The following SMAP1 variants were observed in gnomAD, a reference collection of about 807,000 sequenced individuals.
SMAP1 encodes small ArfGAP 1.
In SMAP1, 24 loss-of-function variants were observed where a neutral mutation model predicts 58.5. That is an observed-to-expected ratio of 0.41 (90% CI 0.30 to 0.58). The LOEUF (loss-of-function observed/expected upper bound fraction) is 0.58. Ranked by LOEUF, SMAP1 falls within the 20% of genes least tolerant of loss-of-function variation. The pLI is 0.29. For synonymous variants in SMAP1, 216 were observed against 196.6 expected (o/e 1.10, Z -0.82); for missense variants, 563 against 566.3 (o/e 0.99, Z 0.06).
At chr6:70,703,799 C>G (rs965600788) in intron 1 of SMAP1, among the ~76,000 whole-genome samples, 1 of 152,132 alleles carries the variant, frequency 6.6e-6, no homozygotes, top group Non-Finnish European at 1.5e-5. Flanking sequence ...ATTCAGCCAC[C>G]TTAGTCTCTG....
At chr6:70,717,187 A>G (rs1768310193) in intron 1 of SMAP1, among the ~76,000 whole-genome samples, 1 of 152,198 alleles carries the variant, frequency 6.6e-6, no homozygotes, top group African/African-American at 2.4e-5. Context: ...AGTGTGTTGC[A>G]GTTCATTCTA....
At chr6:70,724,154 G>T (rs952999573) in intron 1 of SMAP1, among the ~76,000 whole-genome samples, 32 of 142,888 alleles carry the variant, frequency 2.2e-4, no homozygotes, top group Non-Finnish European at 2.4e-4. Context: ...TTTTTTTGTT[G>T]TTGTTGTTGT....
intron 3 of SMAP1, among the ~76,000 whole-genome samples, chr6:70,767,625 CTT>C (rs1767057356): frequency 6.6e-6 from 1 of 150,706 alleles, no homozygotes; most frequent in African/African-American, 2.5e-5. Flanking sequence ...GCTGAAGTTG[CTT>C]ATCAGCTTAA....
intron 6 of SMAP1, among the ~76,000 whole-genome samples, chr6:70,802,070 A>T (rs968283123): frequency 6.6e-6 from 1 of 152,210 alleles, no homozygotes; most frequent in African/African-American, 2.4e-5. Flanking sequence ...TGGTAGCTTG[A>T]TGAAGATGGC....
intron 2 of SMAP1, among the ~76,000 whole-genome samples, chr6:70,742,531 G>A (rs1765858488): frequency 6.6e-6 from 1 of 152,110 alleles, no homozygotes; most frequent in South Asian, 2.1e-4. Context: ...TTTGGTCAAA[G>A]CTAGTCAGCA....
At chr6:70,807,158 C>T (rs1388382994) in intron 6 of SMAP1, among the ~76,000 whole-genome samples, 1 of 152,166 alleles carries the variant, frequency 6.6e-6, no homozygotes, top group Non-Finnish European at 1.5e-5. Flanking sequence ...GCAACTTCTT[C>T]CTTCTGTAAA....
intron 7 of SMAP1, among the ~76,000 whole-genome samples, chr6:70,845,049 A>C (rs1770936924): frequency 6.6e-6 from 1 of 152,222 alleles, no homozygotes; most frequent in South Asian, 2.1e-4. Context: ...TTTTCATTGT[A>C]GCAAGGGTGT....
At chr6:70,672,813 T>C (rs895625202) in intron 1 of SMAP1, among the ~76,000 whole-genome samples, 7 of 151,986 alleles carry the variant, frequency 4.6e-5, no homozygotes, top group Non-Finnish European at 1.0e-4. Context: ...TCATTTGAGC[T>C]AGGTTCTGAA....
intron 7 of SMAP1, among the ~76,000 whole-genome samples, chr6:70,852,262 G>T (rs1434072859): frequency 2.0e-5 from 3 of 152,056 alleles, no homozygotes; most frequent in Admixed American, 6.6e-5. Context: ...AAAAATTAGG[G>T]TGCAAAATAA....
At chr6:70,796,159 A>G (rs1391181725) in intron 5 of SMAP1, among the ~76,000 whole-genome samples, 2 of 152,180 alleles carry the variant, frequency 1.3e-5, no homozygotes, top group African/African-American at 4.8e-5. Context: ...TTACTTATAA[A>G]ATGGGGATAA....
chr6:70,776,812 T>C (rs1767566508), intron 4 of SMAP1, among the ~76,000 whole-genome samples: 1 of 152,182 alleles, frequency 6.6e-6, no homozygotes, highest in South Asian at 2.1e-4. Context: ...TTGCTGTGAA[T>C]GGTAGGATTT....
chr6:70,771,371 C>A (rs752878138), intron 3 of SMAP1, among the ~76,000 whole-genome samples: 5 of 151,968 alleles, frequency 3.3e-5, no homozygotes, highest in East Asian at 3.9e-4. Flanking sequence ...CTACAGAGGC[C>A]GGCAGGCCTC....
chr6:70,673,229 A>C (rs1393842440), intron 1 of SMAP1, among the ~76,000 whole-genome samples: 2 of 152,202 alleles, frequency 1.3e-5, no homozygotes, highest in Non-Finnish European at 2.9e-5. Context: ...CACCACTGCT[A>C]CCGCTGCCCC....
chr6:70,836,781 C>T (rs929943806), intron 6 of SMAP1, among the ~76,000 whole-genome samples, 160 bp from the exon 7 acceptor site: 1 of 152,112 alleles, frequency 6.6e-6, no homozygotes, highest in Non-Finnish European at 1.5e-5. Flanking sequence ...CAGTCATGTT[C>T]GCTTGTTTTG....
chr6:70,857,875 C>G, intron 9 of SMAP1, 47 bp from the exon 10 acceptor site: 1 of 1,586,826 alleles, frequency 6.3e-7, no homozygotes, highest in East Asian at 2.2e-5. Flanking sequence ...ATGAGTGCAA[C>G]TACACGTGAT....
chr6:70,701,059 A>C (rs774098053), intron 1 of SMAP1, among the ~76,000 whole-genome samples: 17 of 152,246 alleles, frequency 1.1e-4, no homozygotes, highest in Non-Finnish European at 2.2e-4. Flanking sequence ...ACACGGAAGG[A>C]AGGAGTCTCT....
rs761939702 is a variant in SMAP1, at chr6:70,852,668, T to C, written c.789+4T>C. 2 of 1,587,396 alleles carry C rather than the reference T, an allele frequency of 1.3e-6. No individual in the cohort carries two copies. The highest frequency in any genetic ancestry group is 1.2e-5 in the South Asian group (1 of 85,210). On this transcript the variant is annotated splice_donor_region_variant and intron_variant, in intron 8 of 10. Coordinates refer to ENST00000370455, the MANE Select transcript of SMAP1 (RefSeq NM_001044305.3). ...AACTGTCATGCCCCCAGCTCAGGTA[T>C]GTGATAAGAATATGGTTTTATATGG... is the stretch of plus-strand genomic sequence containing the variant.
chr6:70,798,595 T>A, intron 5 of SMAP1, 62 bp from the exon 6 acceptor site: 1 of 1,271,396 alleles, frequency 7.9e-7, no homozygotes, highest in Non-Finnish European at 1.1e-6. Context: ...CTAATAAGGA[T>A]GAGTCAAAAA....
chr6:70,828,165 G>A (rs1770214563), intron 6 of SMAP1, among the ~76,000 whole-genome samples: 1 of 152,098 alleles, frequency 6.6e-6, no homozygotes, highest in South Asian at 2.1e-4. Context: ...TTTTATTAAT[G>A]TATTTATAGC....
Sources: allele counts gnomAD v4.1 joint callset (sites outside exome capture counted in the v4.1 genomes callset), GRCh38; gene constraint gnomAD v4.1.1; transcripts MANE v1.5; gene names NCBI Gene and HGNC (gene_info 2026-07-23, HGNC 2026-07-21).